The following METAP1 variants were observed in gnomAD, a reference collection of about 807,000 sequenced individuals.
METAP1 encodes the protein methionine aminopeptidase 1.
A neutral mutation model predicts 53.8 loss-of-function variants in METAP1; 28 were observed. That is an observed-to-expected ratio of 0.52 (90% CI 0.39 to 0.71). METAP1 has a LOEUF of 0.71. METAP1 is among the 30% of genes least tolerant of loss of function. METAP1 has a pLI of 0.00. For missense variants in METAP1, 389 were observed against 479.8 expected, an observed-to-expected ratio of 0.81 and a Z score of 1.77; for synonymous variants, 181 against 165.7, an observed-to-expected ratio of 1.09 and a Z score of -0.71.
intron 2 of METAP1, among the ~76,000 whole-genome samples, 153 bp downstream of exon 2, chr4:99,029,071 A>G (rs1319414743): frequency 6.6e-6 from 1 of 152,206 alleles, no homozygotes; most frequent in African/African-American, 2.4e-5. Context: ...AATTTTTGTG[A>G]TATGTAAATA....
chr4:99,043,444 A>G, intron 7 of METAP1, 57 bp downstream of exon 7: 3 of 1,514,506 alleles, frequency 2.0e-6, no homozygotes, highest in Non-Finnish European at 2.7e-6. Flanking sequence ...AAGCTTGGGG[A>G]ATCTGACAGT....
At chr4:99,054,605 T>C (rs1289489256) in intron 9 of METAP1, among the ~76,000 whole-genome samples, 1 of 152,238 alleles carries the variant, frequency 6.6e-6, no homozygotes, top group Admixed American at 6.5e-5. Flanking sequence ...GCTAACTCTT[T>C]GGAACAAGAG....
At chr4:99,060,393 T>G (rs1384330467) in intron 10 of METAP1, among the ~76,000 whole-genome samples, 2 of 143,316 alleles carry the variant, frequency 1.4e-5, no homozygotes, top group Non-Finnish European at 3.0e-5. Context: ...AGACGGAGTC[T>G]TGGTCTGTCG....
intron 1 of METAP1, among the ~76,000 whole-genome samples, chr4:99,010,453 C>T (rs1723410325): frequency 6.6e-6 from 1 of 152,120 alleles, no homozygotes; most frequent in African/African-American, 2.4e-5. Context: ...GAGACCCCAT[C>T]TTTAAAAAAC....
In METAP1 at chr4:99,025,420, CT is replaced by C. The variant is rs1262104795; in HGVS notation, c.115-3446del. ...TGAGAGCACCTTCTCTTAACTCTGA[CT>C]CTTTTCAGTGATTCACAGTACTGGA... On this transcript the variant is annotated intron_variant, in intron 1 of 10. Coordinates refer to ENST00000296411, the MANE Select transcript of METAP1 (RefSeq NM_015143.3). 6.1e-6 allele frequency: 6 copies of C among 984,922 alleles called. No homozygotes were observed. The African/African-American group carries it at 1.0e-4, about 17-fold the overall frequency. 61.0% of individuals were successfully genotyped at this position (984,922 alleles called of 1,614,324 possible).
chr4:99,009,406 C>T (rs566197126), intron 1 of METAP1, among the ~76,000 whole-genome samples: 23 of 152,236 alleles, frequency 1.5e-4, no homozygotes, highest in South Asian at 6.2e-4. Context: ...CTGGATCACA[C>T]GATTATTTGT....
chr4:99,026,224 C>T (rs953407819), intron 1 of METAP1: 2 of 984,964 alleles, frequency 2.0e-6, no homozygotes, highest in Admixed American at 1.2e-4. Flanking sequence ...TAGTAAATTC[C>T]TGTTGGTGCT....
chr4:99,043,531 C>A, intron 7 of METAP1, 144 bp downstream of exon 7: 1 of 814,664 alleles, frequency 1.2e-6, no homozygotes, highest in Non-Finnish European at 1.9e-6. Context: ...ACTCTTAAAT[C>A]TACAGGAAGC....
intron 4 of METAP1, 57 bp from the exon 5 acceptor site, chr4:99,039,317 A>C (rs1213012043): frequency 1.4e-5 from 14 of 1,028,950 alleles, no homozygotes; most frequent in Non-Finnish European, 2.1e-5. Flanking sequence ...TAATTATGCA[A>C]ATAAATACTA....
At position 99,061,202 on chromosome 4, in the gene METAP1, G is replaced by A. The variant is rs1273390289; in HGVS notation, c.1046G>A (p.Arg349Lys). 4 of 1,613,822 alleles carry A rather than the reference G, an allele frequency of 2.5e-6. 1 individual carries two copies. In the Admixed American group the frequency reaches 6.7e-5, roughly 27 times the overall value. The change falls in exon 11 of 11, where the codon AGA (arginine) becomes AAA (lysine). Residue 349 changes from arginine to lysine, a missense_variant. By Grantham distance (26) the Arg-to-Lys change is conservative. Transcript: ENST00000296411. Reference protein sequence around the residue: ...TWPDGWTAVTRDGKRSAQFEH... With the variant: ...TWPDGWTAVTKDGKRSAQFEH... The stretch of plus-strand genomic sequence containing the variant: ...CCAGATGGTTGGACTGCGGTGACAA[G>A]AGACGGAAAGCGGTCTGCTCAGTTT...
At chr4:99,032,254 G>A (rs116459421) in intron 2 of METAP1, among the ~76,000 whole-genome samples, 2 of 151,554 alleles carry the variant, frequency 1.3e-5, no homozygotes, top group Admixed American at 1.3e-4. Context: ...TTGAGACAGG[G>A]TGTTCCTCTG....
intron 1 of METAP1, among the ~76,000 whole-genome samples, chr4:99,018,889 G>A (rs779489829): frequency 6.6e-6 from 1 of 152,106 alleles, no homozygotes; most frequent in Non-Finnish European, 1.5e-5. Flanking sequence ...ACCTTTAAAT[G>A]TATTTGTATC....
At chr4:99,035,351 T>G in intron 3 of METAP1, 49 bp from the exon 4 acceptor site, 9 of 1,349,750 alleles carry the variant, frequency 6.7e-6, no homozygotes, top group Non-Finnish European at 9.3e-6. Context: ...CTCCCCTCGT[T>G]TTATTTATTT....
chr4:98,996,874 C>T (rs928081388), intron 1 of METAP1, among the ~76,000 whole-genome samples: 2 of 152,150 alleles, frequency 1.3e-5, no homozygotes, highest in African/African-American at 2.4e-5. Flanking sequence ...GGAGGAGAGC[C>T]GGAATAAAGA....
intron 2 of METAP1, 103 bp downstream of exon 2, chr4:99,029,021 G>T: frequency 1.3e-6 from 1 of 771,274 alleles, no homozygotes. Context: ...TGAATGTTCT[G>T]AAAGTATAAT....
At chr4:99,042,044 G>C (rs756017351) in intron 6 of METAP1, among the ~76,000 whole-genome samples, 2 of 151,860 alleles carry the variant, frequency 1.3e-5, no homozygotes, top group Non-Finnish European at 2.9e-5. Context: ...CCTCTTGAGG[G>C]TAGGTACTAT....
rs144892869 is a variant in METAP1 at position 99,048,590 on chromosome 4, G to C, written c.788-143G>C. ...TTGCCCTGTTGCCCAGGCTGGTCTT[G>C]AACTCCTGAGCTCAGGCGATCTTCC... On this transcript the variant is annotated intron_variant, in intron 8 of 10. Transcript: ENST00000296411. 31 of 865,178 alleles carry C rather than the reference G, an allele frequency of 3.6e-5. No homozygotes were observed. In the African/African-American group the frequency reaches 4.1e-4, roughly 11 times the overall value. The allele number at this position is 865,178 out of a possible 1,614,324, so 53.6% of individuals were successfully genotyped here.
intron 1 of METAP1, among the ~76,000 whole-genome samples, chr4:99,009,022 A>G (rs2110283894): frequency 6.6e-6 from 1 of 152,342 alleles, no homozygotes; most frequent in South Asian, 2.1e-4. Context: ...TAGCCCTATA[A>G]CAGCAACTCT....
intron 1 of METAP1, among the ~76,000 whole-genome samples, chr4:99,019,289 A>G (rs965002919): frequency 1.8e-4 from 28 of 152,296 alleles, no homozygotes; most frequent in African/African-American, 6.5e-4. Flanking sequence ...TCCCACCTCC[A>G]AATTTATCAA....
Sources: allele counts gnomAD v4.1 joint callset (sites outside exome capture counted in the v4.1 genomes callset), GRCh38; gene constraint gnomAD v4.1.1; transcripts MANE v1.5; gene names NCBI Gene and HGNC (gene_info 2026-07-23, HGNC 2026-07-21).